The following NPAS3 variants were observed in gnomAD, a reference collection of about 807,000 sequenced individuals.
NPAS3 encodes the protein neuronal PAS domain protein 3.
Under a neutral mutation model 73.1 loss-of-function variants are expected in NPAS3, and 14 were observed. That is an observed-to-expected ratio of 0.19 (90% CI 0.13 to 0.30). The LOEUF (loss-of-function observed/expected upper bound fraction) is 0.30, where lower values mean the gene tolerates loss of function less well. NPAS3 is among the 10% of genes least tolerant of loss of function. NPAS3 has a pLI of 1.00. For synonymous variants in NPAS3, 620 were observed against 541.5 expected (o/e 1.14, Z -2.01); for missense variants, 1,096 against 1,250.0 (o/e 0.88, Z 1.86).
chr14:33,768,749 TTC>T (rs1286190957), intron 7 of NPAS3, among the ~76,000 whole-genome samples: 1 of 152,228 alleles, frequency 6.6e-6, no homozygotes, highest in Non-Finnish European at 1.5e-5. Context: ...AAAACAGATG[TTC>T]TGTTTCCCAA....
intron 4 of NPAS3, among the ~76,000 whole-genome samples, chr14:33,374,706 G>GA (rs1372219462): frequency 3.4e-5 from 5 of 149,190 alleles, no homozygotes; most frequent in African/African-American, 1.2e-4. Flanking sequence ...TGTCGGGGCG[G>GA]GGGGGGGAGT....
intron 5 of NPAS3, among the ~76,000 whole-genome samples, chr14:33,586,248 T>TTTTTTTTTTTTTTTTTTTTGA (rs1271344458): frequency 1.3e-5 from 2 of 150,398 alleles, no homozygotes; most frequent in East Asian, 1.9e-4. Context: ...GATGTTTTAT[T>TTTTTTTTTTTTTTTTTTTTGA]GACTGTTTCA....
chr14:33,270,590 C>A (rs2041025711), intron 3 of NPAS3, among the ~76,000 whole-genome samples: 1 of 152,114 alleles, frequency 6.6e-6, no homozygotes, highest in Non-Finnish European at 1.5e-5. Flanking sequence ...ATTTAAAAAG[C>A]TTAATTACAT....
intron 2 of NPAS3, among the ~76,000 whole-genome samples, chr14:33,138,696 AG>A: frequency 6.6e-6 from 1 of 152,204 alleles, no homozygotes; most frequent in East Asian, 1.9e-4. Context: ...GGAATGAGAC[AG>A]GGTTCCAGTG....
At chr14:32,957,256 T>C (rs2036707031) in intron 1 of NPAS3, among the ~76,000 whole-genome samples, 1 of 152,212 alleles carries the variant, frequency 6.6e-6, no homozygotes, top group African/African-American at 2.4e-5. Context: ...TTCACTGTTA[T>C]TATATATTAA....
intron 6 of NPAS3, among the ~76,000 whole-genome samples, chr14:33,697,358 G>A (rs988186455): frequency 2.6e-5 from 4 of 152,154 alleles, no homozygotes; most frequent in Non-Finnish European, 4.4e-5. Flanking sequence ...CCAGGGGGTT[G>A]GCAGAACTTT....
At chr14:33,524,538 A>C (rs1347383940) in intron 4 of NPAS3, among the ~76,000 whole-genome samples, 1 of 152,190 alleles carries the variant, frequency 6.6e-6, no homozygotes, top group South Asian at 2.1e-4. Context: ...CCCAGTCTAC[A>C]TGATCTTAAA....
intron 7 of NPAS3, among the ~76,000 whole-genome samples, chr14:33,772,284 A>G (rs1284978379): frequency 6.6e-6 from 1 of 152,212 alleles, no homozygotes; most frequent in Non-Finnish European, 1.5e-5. Context: ...TAACGGAATC[A>G]GAAAATTGCG....
At chr14:33,167,907 A>T (rs1019362034) in intron 2 of NPAS3, among the ~76,000 whole-genome samples, 2 of 152,360 alleles carry the variant, frequency 1.3e-5, no homozygotes, top group South Asian at 4.1e-4. Flanking sequence ...TGAATGAGGC[A>T]GCTTTAGGAA....
At chr14:33,421,861 T>C (rs1168572715) in intron 4 of NPAS3, among the ~76,000 whole-genome samples, 1 of 151,934 alleles carries the variant, frequency 6.6e-6, no homozygotes, top group South Asian at 2.1e-4. Context: ...AGAAAGATGA[T>C]TAGATTGAAA....
intron 4 of NPAS3, among the ~76,000 whole-genome samples, chr14:33,496,582 A>G (rs1046785024): frequency 2.0e-5 from 3 of 152,222 alleles, no homozygotes; most frequent in African/African-American, 7.2e-5. Flanking sequence ...TCACATAAAC[A>G]TAACCAGTGA....
chr14:32,971,265 A>G (rs964011763), intron 1 of NPAS3, among the ~76,000 whole-genome samples: 1 of 151,734 alleles, frequency 6.6e-6, no homozygotes, highest in Non-Finnish European at 1.5e-5. Context: ...TTGTATTTTT[A>G]GTAGAGATGG....
At chr14:33,084,064 A>C (rs2138744710) in intron 2 of NPAS3, among the ~76,000 whole-genome samples, 1 of 152,338 alleles carries the variant, frequency 6.6e-6, no homozygotes, top group Middle Eastern at 3.4e-3. Context: ...GACATTAGAA[A>C]CTTTAGTAAA....
chr14:32,945,249 GC>G (rs1257789535), intron 1 of NPAS3, among the ~76,000 whole-genome samples: 1 of 152,052 alleles, frequency 6.6e-6, no homozygotes, highest in African/African-American at 2.4e-5. Context: ...GTGATTAGAG[GC>G]TCCTGGAGGA....
intron 3 of NPAS3, among the ~76,000 whole-genome samples, chr14:33,265,500 CA>C (rs2049137415): frequency 3.1e-5 from 1 of 31,892 alleles, no homozygotes; most frequent in Non-Finnish European, 1.8e-4. Context: ...CAATGCATTA[CA>C]TTTTTTTTTC....
At chr14:33,330,740 G>C (rs1461485214) in intron 3 of NPAS3, among the ~76,000 whole-genome samples, 1 of 152,136 alleles carries the variant, frequency 6.6e-6, no homozygotes, top group Non-Finnish European at 1.5e-5. Flanking sequence ...CATTCACTTT[G>C]GAGGGTCAGG....
rs560314868 is a variant in NPAS3 at position 33,199,544 on chromosome 14, C to A, written c.141-15638C>A. Among the ~76,000 whole-genome samples the A allele has an allele frequency of 1.1e-3, 164 of 152,194 alleles. No individual in the cohort carries two copies. In the Middle Eastern group the frequency reaches 0.014, roughly 13 times the overall value. The stretch of plus-strand genomic sequence containing the variant: ...TACCTCAGTTTGGTGCTCACTAGTA[C>A]CACCTCCAGAGTGTAGAAAGGGGAG... On this transcript the variant is annotated intron_variant, in intron 2 of 11. Transcript: ENST00000356141.
chr14:33,736,172 T>C lies in NPAS3; in HGVS notation c.852+840T>C, dbSNP rs141057833. Among the ~76,000 whole-genome samples, 128 of 152,358 alleles carry C rather than the reference T, an allele frequency of 8.4e-4. 1 individual carries two copies. The highest frequency in any genetic ancestry group is 2.6e-3 in the Admixed American group (40 of 15,306). On this transcript the variant is annotated intron_variant, in intron 7 of 11. Coordinates refer to ENST00000356141, the Ensembl canonical transcript of NPAS3. ...GTTGTGACCTTCCCCAGCTTTAGAATTTAGAACTTCTGATAGTTCAGTTCT... is the reference window on the plus strand; with the variant it reads ...GTTGTGACCTTCCCCAGCTTTAGAACTTAGAACTTCTGATAGTTCAGTTCT...
At chr14:33,052,924 C>T (rs907441674) in intron 1 of NPAS3, among the ~76,000 whole-genome samples, 3 of 151,952 alleles carry the variant, frequency 2.0e-5, no homozygotes, top group Non-Finnish European at 4.4e-5. Flanking sequence ...TTCAGTTGAA[C>T]GTGAAATGTG....
Sources: gnomAD v4.1 joint callset for allele counts (sites outside exome capture counted in the v4.1 genomes callset) on GRCh38, gnomAD v4.1.1 for gene constraint, MANE v1.5 for transcripts, NCBI Gene and HGNC (gene_info 2026-07-23, HGNC 2026-07-21) for gene names.